The following MAML2 variants were observed in gnomAD, a reference collection of about 807,000 sequenced individuals.
MAML2 encodes the protein mastermind like transcriptional coactivator 2.
MAML2 carries 22 observed loss-of-function variants against 96.1 expected under a neutral mutation model. The ratio of observed to expected loss-of-function variants is 0.23; its 90% CI spans 0.16 to 0.33. The LOEUF (loss-of-function observed/expected upper bound fraction) is 0.33. Among genes scored for constraint, MAML2 ranks in the 10% least tolerant of loss-of-function variants. The pLI is 1.00. For synonymous variants in MAML2, 561 were observed against 521.3 expected (o/e 1.08, Z -1.04); for missense variants, 1,367 against 1,392.4 (o/e 0.98, Z 0.29).
chr11:96,309,918 G>T (rs546914113), intron 1 of MAML2, among the ~76,000 whole-genome samples: 2 of 151,930 alleles, frequency 1.3e-5, no homozygotes, highest in Non-Finnish European at 2.9e-5. Flanking sequence ...GACTAGGCCG[G>T]TCTTAAACTC....
intron 1 of MAML2, among the ~76,000 whole-genome samples, chr11:96,195,909 C>G (rs1861723435): frequency 6.6e-6 from 1 of 152,214 alleles, no homozygotes; most frequent in South Asian, 2.1e-4. Context: ...AATGTTCTCT[C>G]TCTCCCTTAA....
chr11:96,243,845 G>C (rs1456038237), intron 1 of MAML2, among the ~76,000 whole-genome samples: 1 of 152,104 alleles, frequency 6.6e-6, no homozygotes, highest in Admixed American at 6.5e-5. Flanking sequence ...AGTAGAGAAA[G>C]GGTTTCACCG....
chr11:96,257,040 C>T (rs1014462968), intron 1 of MAML2, among the ~76,000 whole-genome samples: 1 of 152,202 alleles, frequency 6.6e-6, no homozygotes, highest in African/African-American at 2.4e-5. Context: ...TGTAAAAATA[C>T]AGTTTCCAGC....
intron 1 of MAML2, among the ~76,000 whole-genome samples, chr11:96,169,372 G>A (rs1861244333): frequency 6.6e-6 from 1 of 152,226 alleles, no homozygotes; most frequent in Non-Finnish European, 1.5e-5. Context: ...TCTGCCTGCA[G>A]CAAACCTGTT....
intron 1 of MAML2, among the ~76,000 whole-genome samples, chr11:96,228,150 G>C (rs1333317546): frequency 2.0e-5 from 3 of 152,102 alleles, no homozygotes; most frequent in African/African-American, 4.8e-5. Flanking sequence ...AGGTGGGAGA[G>C]AAAGTACTGA....
At chr11:96,082,572 G>T (rs975416478) in intron 2 of MAML2, among the ~76,000 whole-genome samples, 1 of 152,178 alleles carries the variant, frequency 6.6e-6, no homozygotes, top group Admixed American at 6.5e-5. Context: ...AGCTGACGCT[G>T]TGAGGTCGAG....
chr11:96,199,067 G>A (rs1048481581), intron 1 of MAML2, among the ~76,000 whole-genome samples: 1 of 151,786 alleles, frequency 6.6e-6, no homozygotes, highest in African/African-American at 2.4e-5. Flanking sequence ...GCATGCTGGC[G>A]GGCGCCTGTA....
At chr11:96,230,650 GC>G (rs1415094962) in intron 1 of MAML2, among the ~76,000 whole-genome samples, 1 of 152,204 alleles carries the variant, frequency 6.6e-6, no homozygotes, top group Non-Finnish European at 1.5e-5. Context: ...TTCCAGGACA[GC>G]CCACATCAGA....
chr11:96,341,789 A>G lies in MAML2; in HGVS notation c.107T>C (p.Ile36Thr). Residue 36 changes from isoleucine to threonine, a missense_variant, in exon 1 of 5, where the codon ATC (isoleucine) becomes ACC (threonine). Physicochemically the swap from Ile to Thr is moderately conservative, Grantham distance 89 (BLOSUM62 -1). Coordinates refer to ENST00000524717, the MANE Select transcript of MAML2 (RefSeq NM_032427.4). Reference sequence around the variant, plus strand: ...GATCCGAGCCCGGAGGCGCTCCACGATAGCACTGTGCACTCTCGGGGTGAC... The same window carrying G: ...GATCCGAGCCCGGAGGCGCTCCACGGTAGCACTGTGCACTCTCGGGGTGAC... ...GSVTPRVHSA[I>T]VERLRARIAV... The G allele has an allele frequency of 5.0e-6, 8 of 1,609,490 alleles. No individual in the cohort carries two copies. Among genetic ancestry groups the G allele is most frequent in the Non-Finnish European group, 5.9e-6 (7 of 1,178,992 alleles).
chr11:96,076,417 G>GTC (rs536256864), intron 2 of MAML2, among the ~76,000 whole-genome samples: 3,288 of 113,560 alleles, frequency 0.029, 134 homozygotes, highest in African/African-American at 0.087. Flanking sequence ...GCTCTCTTTT[G>GTC]TCTCTCTCTC....
intron 1 of MAML2, among the ~76,000 whole-genome samples, chr11:96,337,598 T>C (rs1863936598): frequency 6.6e-6 from 1 of 152,228 alleles, no homozygotes; most frequent in Non-Finnish European, 1.5e-5. Flanking sequence ...CACTAGGATT[T>C]CCTGGGACCT....
intron 1 of MAML2, among the ~76,000 whole-genome samples, chr11:96,225,661 G>A (rs1339389017): frequency 6.6e-6 from 1 of 151,900 alleles, no homozygotes; most frequent in Non-Finnish European, 1.5e-5. Flanking sequence ...GTGAAACCCG[G>A]TCTCTACTAA....
intron 2 of MAML2, among the ~76,000 whole-genome samples, chr11:95,996,761 A>G (rs1314378827): frequency 2.0e-5 from 3 of 152,190 alleles, no homozygotes; most frequent in Non-Finnish European, 4.4e-5. Context: ...ACTTTAGTAC[A>G]TAAAATAGTT....
intron 3 of MAML2, 76 bp downstream of exon 3, chr11:95,991,444 A>G: frequency 7.3e-7 from 1 of 1,364,694 alleles, no homozygotes; most frequent in Non-Finnish European, 1.0e-6. Flanking sequence ...AGGCACAGTA[A>G]ATATAAATGG....
At chr11:96,160,427 ATTT>A (rs10578511) in intron 1 of MAML2, among the ~76,000 whole-genome samples, 80 of 137,822 alleles carry the variant, frequency 5.8e-4, no homozygotes, top group Non-Finnish European at 6.0e-4. Context: ...CAGTTTTCCA[ATTT>A]TTTTTTTTTT....
At chr11:96,216,937 G>A (rs1257726634) in intron 1 of MAML2, among the ~76,000 whole-genome samples, 1 of 152,188 alleles carries the variant, frequency 6.6e-6, no homozygotes, top group Non-Finnish European at 1.5e-5. Context: ...CCAGGGGCAG[G>A]AGGAGGTGCA....
At chr11:96,120,459 G>A (rs1300314341) in intron 1 of MAML2, among the ~76,000 whole-genome samples, 1 of 152,126 alleles carries the variant, frequency 6.6e-6, no homozygotes, top group African/African-American at 2.4e-5. Flanking sequence ...CACATGCTCA[G>A]GTATGAAGCC....
At chr11:96,128,345 G>C (rs1038007640) in intron 1 of MAML2, among the ~76,000 whole-genome samples, 3 of 152,106 alleles carry the variant, frequency 2.0e-5, no homozygotes. Context: ...AGTGAGCCAA[G>C]ATCATGCCAC....
intron 1 of MAML2, among the ~76,000 whole-genome samples, chr11:96,135,734 C>A (rs565258330): frequency 6.6e-6 from 1 of 151,474 alleles, no homozygotes; most frequent in East Asian, 1.9e-4. Flanking sequence ...TCTTCTGGCT[C>A]GCTGCTCAAG....
Sources: gnomAD v4.1 joint callset for allele counts (sites outside exome capture counted in the v4.1 genomes callset) on GRCh38, gnomAD v4.1.1 for gene constraint, MANE v1.5 for transcripts, NCBI Gene and HGNC (gene_info 2026-07-23, HGNC 2026-07-21) for gene names.